POP5: variants seen among roughly 807,000 people sequenced by gnomAD.
The protein encoded by POP5 is POP5 ribonuclease P/MRP subunit, also known as ribonuclease P/MRP protein subunit POP5.
In POP5, 18 loss-of-function variants were observed where a neutral mutation model predicts 20.7. The ratio of observed to expected loss-of-function variants is 0.87; its 90% confidence interval spans 0.60 to 1.29. The LOEUF is 1.29. Among genes scored for constraint, POP5 ranks in the 50% most tolerant of loss-of-function variants. The pLI, the probability that POP5 is intolerant of heterozygous loss-of-function variation, is 0.00. For synonymous variants in POP5, 91 were observed against 78.0 expected, an observed-to-expected ratio of 1.17 and a Z score of -0.88; for missense variants, 200 against 203.2, an observed-to-expected ratio of 0.98 and a Z score of 0.10.
At chr12:120,579,963 T>G (rs773321906) in intron 2 of POP5, 40 bp from the exon 3 acceptor site, 1 of 1,590,742 alleles carries the variant, frequency 6.3e-7, no homozygotes, top group Non-Finnish European at 8.6e-7. Context: ...AAACTTTTGC[T>G]CTGTGTGGTG....
Position 120,581,384 on chromosome 12 carries a change from T to TCCGG in POP5, c.-26_-23dup, listed in dbSNP as rs763998313. 6.2e-7 allele frequency: 1 copy of TCCGG among 1,607,968 alleles called. No homozygotes were observed. The highest frequency in any genetic ancestry group is 8.5e-7 in the Non-Finnish European group (1 of 1,177,444). On this transcript the variant is annotated 5_prime_UTR_variant, in exon 1 of 5. Transcript: ENST00000357500. ...CCATGGCTGCCTCCGCGCTCTCCGG[T>TCCGG]CCGGCGTGCAAACCGGATGTGAATT...
At position 120,579,196 on chromosome 12, in the gene POP5, T is replaced by C. The variant is rs970550765; in HGVS notation, c.*122A>G. 7.0e-6 allele frequency: 6 copies of C among 852,030 alleles called. No individual in the cohort carries two copies. Among genetic ancestry groups the C allele is most frequent in the Admixed American group, 2.0e-5 (1 of 50,104 alleles). 52.8% of individuals were successfully genotyped at this position (852,030 alleles called of 1,614,324 possible). A position where few individuals can be genotyped will look rare whatever the true frequency, so the allele number is the denominator to read the frequency against. Reference sequence around the variant, plus strand: ...TACTCCATTTCAAGTGGGTAATGTCTGCTGGTTGGCAGCTATCCAGTTTGG... The same window carrying C: ...TACTCCATTTCAAGTGGGTAATGTCCGCTGGTTGGCAGCTATCCAGTTTGG... On this transcript the variant is annotated 3_prime_UTR_variant, in exon 5 of 5. Coordinates refer to ENST00000357500, the MANE Select transcript of POP5 (RefSeq NM_015918.4).
intron 4 of POP5, 45 bp from the exon 5 acceptor site, chr12:120,579,457 ATTT>A (rs1877737217): frequency 6.2e-7 from 1 of 1,608,104 alleles, no homozygotes; most frequent in South Asian, 1.1e-5. Flanking sequence ...TTTGGGAGTG[ATTT>A]CTTCAGCTTA....
rs1593130532 is a variant in POP5, at chr12:120,579,057, C to A, written c.*261G>T. 3 of 527,208 alleles carry A rather than the reference C, an allele frequency of 5.7e-6. No homozygotes were observed. The highest frequency in any genetic ancestry group is 6.6e-5 in the East Asian group (2 of 30,226). 32.7% of individuals were successfully genotyped at this position (527,208 alleles called of 1,614,324 possible). A position where few individuals can be genotyped will look rare whatever the true frequency, so the allele number is the denominator to read the frequency against. ...TAAGTATGCTAAATGCCACGGAAACCAGATACATTTATTAAATCTACTCTT... is the reference window on the plus strand; with the variant it reads ...TAAGTATGCTAAATGCCACGGAAACAAGATACATTTATTAAATCTACTCTT... On this transcript the variant is annotated 3_prime_UTR_variant, in exon 5 of 5. Transcript: ENST00000357500.
At chr12:120,579,715 G>T in intron 3 of POP5, 59 bp downstream of exon 3, 1 of 1,558,374 alleles carries the variant, frequency 6.4e-7, no homozygotes, top group South Asian at 1.1e-5. Context: ...CACCAGTTTA[G>T]ACTGAACTGT....
intron 2 of POP5, 92 bp downstream of exon 2, chr12:120,581,023 C>G: frequency 2.0e-6 from 3 of 1,537,456 alleles, no homozygotes; most frequent in Non-Finnish European, 2.6e-6. Flanking sequence ...ACGGGCTTGG[C>G]CACTCGTGCC....
Position 120,579,908 on chromosome 12 carries a change from G to A in POP5, c.179C>T (p.Ala60Val), listed in dbSNP as rs755811435. 6 of 1,613,640 alleles carry A rather than the reference G, an allele frequency of 3.7e-6. No homozygotes were observed. The highest frequency in any genetic ancestry group is 5.1e-6 in the Non-Finnish European group (6 of 1,179,726). The change falls in exon 3 of 5, where the codon GCC becomes GTC. Residue 60 changes from alanine to valine, a missense_variant. Coordinates refer to ENST00000357500, the MANE Select transcript of POP5 (RefSeq NM_015918.4). ...TCGAAGTAGCACTATTCCAGTATAG[G>A]CATTGAGATATCGAACTACAACAGG... Reference protein sequence around the residue: ...SIGFAVRYLNAYTGIVLLRCR... With the variant: ...SIGFAVRYLNVYTGIVLLRCR...
chr12:120,579,937 GAA>G lies in POP5; in HGVS notation c.164-16_164-15del. 6.2e-7 allele frequency: 1 copy of G among 1,611,008 alleles called. No individual in the cohort carries two copies. Among genetic ancestry groups the G allele is most frequent in the South Asian group, 1.1e-5 (1 of 90,940 alleles). ...TGAGATATCGAACTACAACAGGAAAGAAAAATCATTTTGGAAAACTTTTGCTC... is the reference window on the plus strand; with the variant it reads ...TGAGATATCGAACTACAACAGGAAAGAAATCATTTTGGAAAACTTTTGCTC... On this transcript the variant is annotated splice_polypyrimidine_tract_variant and intron_variant, in intron 2 of 4. Coordinates refer to ENST00000357500, the MANE Select transcript of POP5 (RefSeq NM_015918.4).
chr12:120,579,167 T>TGAG lies in POP5; in HGVS notation c.*148_*150dup. ...TAGGTAAAGGCAACTTCAGTTTAAC[T>TGAG]GAGTACTCCATTTCAAGTGGGTAAT... On this transcript the variant is annotated 3_prime_UTR_variant, in exon 5 of 5. Transcript: ENST00000357500. 1.5e-6 allele frequency: 1 copy of TGAG among 686,644 alleles called. No individual in the cohort carries two copies. Among genetic ancestry groups the TGAG allele is most frequent in the Admixed American group, 2.5e-5 (1 of 40,384 alleles). 42.5% of individuals were successfully genotyped at this position (686,644 alleles called of 1,614,324 possible). A position where few individuals can be genotyped will look rare whatever the true frequency, so the allele number is the denominator to read the frequency against.
chr12:120,581,113 ACC>A lies in POP5; in HGVS notation c.163_163+1del, dbSNP rs774705125. Reference sequence around the variant, plus strand: ...TCCCCTCTTCCCCCAGCGCCCTTGCACCCGCGAAGCCGATGGAGCAGGCGGCT... The same window carrying A: ...TCCCCTCTTCCCCCAGCGCCCTTGCACGCGAAGCCGATGGAGCAGGCGGCT... On this transcript the variant is annotated splice_donor_variant and coding_sequence_variant, in exon 2 of 5. Transcript: ENST00000357500. LOFTEE classifies it high-confidence loss of function. 6.2e-7 allele frequency: 1 copy of A among 1,609,606 alleles called. No individual in the cohort carries two copies. Among genetic ancestry groups the A allele is most frequent in the Non-Finnish European group, 8.5e-7 (1 of 1,179,764 alleles).
intron 2 of POP5, among the ~76,000 whole-genome samples, chr12:120,580,438 G>A (rs1877802355): frequency 6.6e-6 from 1 of 152,164 alleles, no homozygotes; most frequent in African/African-American, 2.4e-5. Context: ...AATAGGAGCA[G>A]GTAGGAGGCG....
rs188092231 is a variant in POP5 at position 120,579,353 on chromosome 12, C to A, written c.457G>T (p.Glu153Ter). The A allele has an allele frequency of 7.6e-5, 121 of 1,585,014 alleles. No homozygotes were observed. Among genetic ancestry groups the A allele is most frequent in the Non-Finnish European group, 9.4e-5 (109 of 1,154,622 alleles). ...GCTTCTGCAGCCTCCTCACCTGACT[C>A]CTCCTCCTCCTCTAATAAGCAGCTT... ...TRSCLLEEEE[E>*]SGEEAAEAME The change falls in exon 5 of 5, where the codon GAG (glutamate) becomes TAG (stop). Residue 153 changes from glutamate to a stop codon, truncating the protein, a stop_gained. Coordinates refer to ENST00000357500, the MANE Select transcript of POP5 (RefSeq NM_015918.4). LOFTEE classifies it high-confidence loss of function.
intron 2 of POP5, among the ~76,000 whole-genome samples, chr12:120,580,305 GC>G (rs2137288659): frequency 1.3e-5 from 2 of 152,310 alleles, no homozygotes; most frequent in South Asian, 4.1e-4. Flanking sequence ...TAGGCAAGTG[GC>G]ACGTAGATCT....
chr12:120,580,258 G>A (rs11065164), intron 2 of POP5: 65,958 of 230,558 alleles, frequency 0.29, 10,965 homozygotes, highest in Admixed American at 0.39. Flanking sequence ...GGAAAACTTT[G>A]GAGTAACAGA....
rs533990008 is a variant in POP5 at position 120,579,133 on chromosome 12, A to G, written c.*185T>C. ...AGTTCACAACCTGCAACACTTCACC[A>G]GGGAATGCTAGGTAAAGGCAACTTC... On this transcript the variant is annotated 3_prime_UTR_variant, in exon 5 of 5. Coordinates refer to ENST00000357500, the MANE Select transcript of POP5 (RefSeq NM_015918.4). 13 of 615,474 alleles carry G rather than the reference A, an allele frequency of 2.1e-5. No individual in the cohort carries two copies. The highest frequency in any genetic ancestry group is 1.8e-4 in the African/African-American group (10 of 54,346). 38.1% of individuals were successfully genotyped at this position (615,474 alleles called of 1,614,324 possible).
rs1274620753 is a variant in POP5, at chr12:120,579,790, G to A, written c.297C>T (p.Asn99=). The part of the protein sequence containing the change: ...NKGHRYPCFF[N]TLHVGGTIRT... ...CACTCCTACCTCCCACATGTAATGT[G>A]TTGAAAAAGCATGGGTAACGGTGTC... The change falls in exon 3 of 5, where the codon AAC becomes AAT. Residue 99 remains asparagine, a synonymous_variant. Coordinates refer to ENST00000357500, the MANE Select transcript of POP5 (RefSeq NM_015918.4). 5 of 1,607,856 alleles carry A rather than the reference G, an allele frequency of 3.1e-6. No individual in the cohort carries two copies. The highest frequency in any genetic ancestry group is 2.2e-5 in the South Asian group (2 of 90,960).
rs768764274 is a variant in POP5, at chr12:120,581,389, C to G, written c.-27G>C. The G allele has an allele frequency of 1.4e-5, 22 of 1,605,276 alleles. No individual in the cohort carries two copies. Among genetic ancestry groups the G allele is most frequent in the Non-Finnish European group, 1.9e-5 (22 of 1,176,202 alleles). On this transcript the variant is annotated 5_prime_UTR_variant, in exon 1 of 5. Coordinates refer to ENST00000357500, the MANE Select transcript of POP5 (RefSeq NM_015918.4). ...GCTGCCTCCGCGCTCTCCGGTCCGG[C>G]GTGCAAACCGGATGTGAATTCTGTC...
Position 120,581,174 on chromosome 12 carries a change from T to G in POP5, c.104A>C (p.Asp35Ala). 1 of 1,613,846 alleles carries G rather than the reference T, an allele frequency of 6.2e-7. No homozygotes were observed. Among genetic ancestry groups the G allele is most frequent in the Non-Finnish European group, 8.5e-7 (1 of 1,180,036 alleles). Residue 35 changes from aspartate to alanine, a missense_variant, in exon 2 of 5, where the codon GAC (aspartate) becomes GCC (alanine). Transcript: ENST00000357500. Reference protein sequence around the residue: ...DDRVLSSLVRDTIARVHGTFG... With the variant: ...DDRVLSSLVRATIARVHGTFG... ...AGTTCCGTGCACCCTGGCGATCGTG[T>G]CCCGTACGAGGCTGCTCAGAACTCG...
In POP5 at chr12:120,579,894, C is replaced by T. The variant is rs1304788658; in HGVS notation, c.193G>A (p.Val65Met). The T allele has an allele frequency of 6.2e-7, 1 of 1,613,498 alleles. No homozygotes were observed. Among genetic ancestry groups the T allele is most frequent in the Admixed American group, 1.7e-5 (1 of 60,028 alleles). Residue 65 changes from valine (V) to methionine (M), a missense_variant, in exon 3 of 5, where the codon GTG (valine) becomes ATG (methionine). Transcript: ENST00000357500. ...AATTCTTTTCTGCATCGAAGTAGCA[C>T]TATTCCAGTATAGGCATTGAGATAT... ...VRYLNAYTGI[V>M]LLRCRKEFYQ...
Sources: allele counts gnomAD v4.1 joint callset (sites outside exome capture counted in the v4.1 genomes callset), GRCh38; gene constraint gnomAD v4.1.1; transcripts MANE v1.5; gene names NCBI Gene and HGNC (gene_info 2026-07-23, HGNC 2026-07-21).